DNAJC1: variants seen among roughly 807,000 people sequenced by gnomAD.
DNAJC1 encodes the protein dnaJ homolog subfamily C member 1.
DNAJC1 carries 58 observed loss-of-function variants against 76.6 expected under a neutral mutation model. The observed-to-expected ratio is 0.76, with a 90% CI of 0.61 to 0.94. The LOEUF (loss-of-function observed/expected upper bound fraction) is 0.94. Among genes scored for constraint, DNAJC1 ranks in the 40% least tolerant of loss-of-function variants. The pLI is 0.00. For missense variants in DNAJC1, 689 were observed against 677.3 expected (o/e 1.02, Z -0.19); for synonymous variants, 258 against 267.9 (o/e 0.96, Z 0.36).
chr10:21,949,966 A>G (rs1468698115), intron 1 of DNAJC1, among the ~76,000 whole-genome samples: 2 of 152,028 alleles, frequency 1.3e-5, no homozygotes, highest in Admixed American at 1.3e-4. Context: ...AAATGTTCTT[A>G]GTCAAATTTT....
At chr10:21,999,737 G>C (rs1838486955) in intron 1 of DNAJC1, among the ~76,000 whole-genome samples, 1 of 152,126 alleles carries the variant, frequency 6.6e-6, no homozygotes, top group Admixed American at 6.5e-5. Context: ...ACAGGCGTGA[G>C]CCACCACACC....
chr10:21,921,376 T>G (rs1460988573), intron 3 of DNAJC1, among the ~76,000 whole-genome samples: 1 of 152,056 alleles, frequency 6.6e-6, no homozygotes, highest in Non-Finnish European at 1.5e-5. Context: ...AATTACATAT[T>G]AATTGAATCA....
At chr10:21,920,583 T>A (rs1339474964) in intron 4 of DNAJC1, 1 of 379,206 alleles carries the variant, frequency 2.6e-6, no homozygotes, top group South Asian at 1.1e-4. Flanking sequence ...CAAAGTTTTA[T>A]AACAAACTTA....
chr10:21,878,387 A>G (rs576568423), intron 8 of DNAJC1, among the ~76,000 whole-genome samples: 1 of 152,312 alleles, frequency 6.6e-6, no homozygotes, highest in East Asian at 1.9e-4. Context: ...GTAGTATAGT[A>G]GGTACACTGT....
chr10:21,757,060 T>C (rs892903521), intron 11 of DNAJC1, among the ~76,000 whole-genome samples: 1 of 152,252 alleles, frequency 6.6e-6, no homozygotes, highest in Non-Finnish European at 1.5e-5. Flanking sequence ...CTTATTTTCA[T>C]GTTAACACTT....
intron 1 of DNAJC1, among the ~76,000 whole-genome samples, chr10:21,993,145 T>A (rs540140274): frequency 6.6e-6 from 1 of 152,298 alleles, no homozygotes; most frequent in Admixed American, 6.5e-5. Context: ...GCTGAACATT[T>A]TATACTCATA....
At chr10:21,927,587 C>T (rs1837150062) in intron 3 of DNAJC1, among the ~76,000 whole-genome samples, 1 of 151,820 alleles carries the variant, frequency 6.6e-6, no homozygotes, top group South Asian at 2.1e-4. Context: ...GAACCACAAC[C>T]AACATTTTTA....
intron 1 of DNAJC1, among the ~76,000 whole-genome samples, chr10:21,982,343 G>A (rs1399140476): frequency 6.6e-6 from 1 of 151,964 alleles, no homozygotes; most frequent in Non-Finnish European, 1.5e-5. Context: ...ATTAGATTTG[G>A]TGATGATTTT....
chr10:21,991,946 A>G (rs1838331806), intron 1 of DNAJC1, among the ~76,000 whole-genome samples: 1 of 152,268 alleles, frequency 6.6e-6, no homozygotes, highest in African/African-American at 2.4e-5. Context: ...AAGGTGTGCT[A>G]GAAGTATAAA....
At chr10:21,842,744 T>A (rs1385571672) in intron 8 of DNAJC1, among the ~76,000 whole-genome samples, 2 of 152,218 alleles carry the variant, frequency 1.3e-5, no homozygotes, top group Admixed American at 1.3e-4. Context: ...AAATTCCACC[T>A]CTGCCTTCCC....
At chr10:21,862,245 A>C (rs1396793287) in intron 8 of DNAJC1, among the ~76,000 whole-genome samples, 7 of 151,634 alleles carry the variant, frequency 4.6e-5, no homozygotes, top group African/African-American at 2.4e-5. Flanking sequence ...ACTTGCTTTT[A>C]CTTTGCACTG....
intron 7 of DNAJC1, among the ~76,000 whole-genome samples, chr10:21,903,244 G>A (rs1836687971): frequency 6.6e-6 from 1 of 152,144 alleles, no homozygotes. Flanking sequence ...TCTTATAAAT[G>A]TAATTTTTCT....
At chr10:21,804,697 A>G (rs992754264) in intron 9 of DNAJC1, among the ~76,000 whole-genome samples, 1 of 151,734 alleles carries the variant, frequency 6.6e-6, no homozygotes, top group Non-Finnish European at 1.5e-5. Context: ...TACTTCAGCT[A>G]TTTTCCCCTA....
chr10:21,966,456 G>T (rs1837891037), intron 1 of DNAJC1, among the ~76,000 whole-genome samples: 2 of 147,826 alleles, frequency 1.4e-5, no homozygotes, highest in Non-Finnish European at 1.5e-5. Flanking sequence ...ATCATCATCA[G>T]TCTTAACCTT....
intron 8 of DNAJC1, among the ~76,000 whole-genome samples, chr10:21,810,325 T>C (rs150692348): frequency 1.8e-4 from 28 of 152,316 alleles, no homozygotes; most frequent in Admixed American, 3.3e-4. Flanking sequence ...ATATACCAAT[T>C]GGCAAACCTT....
intron 1 of DNAJC1, among the ~76,000 whole-genome samples, chr10:21,987,158 T>C (rs899392547): frequency 2.0e-5 from 3 of 152,182 alleles, no homozygotes; most frequent in African/African-American, 7.2e-5. Flanking sequence ...ATCCAAACAA[T>C]AAAATTATGT....
At chr10:21,893,526 C>T (rs1010376448) in intron 7 of DNAJC1, among the ~76,000 whole-genome samples, 4 of 151,798 alleles carry the variant, frequency 2.6e-5, no homozygotes, top group Non-Finnish European at 2.9e-5. Context: ...ACTCAGGAGG[C>T]TGAGGTGAGA....
chr10:21,843,959 G>A (rs912646750), intron 8 of DNAJC1, among the ~76,000 whole-genome samples: 1 of 152,006 alleles, frequency 6.6e-6, no homozygotes. Flanking sequence ...AATCACAGGG[G>A]GAGTTTCCCC....
intron 3 of DNAJC1, among the ~76,000 whole-genome samples, chr10:21,927,162 C>G (rs1244270773): frequency 6.6e-6 from 1 of 152,170 alleles, no homozygotes; most frequent in Non-Finnish European, 1.5e-5. Context: ...TGGATTATCT[C>G]AAACCAGAGG....
Sources: allele counts gnomAD v4.1 joint callset (sites outside exome capture counted in the v4.1 genomes callset), GRCh38; gene constraint gnomAD v4.1.1; transcripts MANE v1.5; gene names NCBI Gene and HGNC (gene_info 2026-07-23, HGNC 2026-07-21).